TNPO3: variants seen among roughly 807,000 people sequenced by gnomAD.
TNPO3 encodes the protein transportin-3.
Under a neutral mutation model 122.8 loss-of-function variants are expected in TNPO3, and 65 were observed. The observed-to-expected ratio is 0.53, with a 90% CI of 0.43 to 0.65. The LOEUF (loss-of-function observed/expected upper bound fraction) is 0.65. Ranked by LOEUF, TNPO3 falls within the 30% of genes least tolerant of loss-of-function variation. The pLI is 0.00. For synonymous variants in TNPO3, 372 were observed against 411.2 expected, an observed-to-expected ratio of 0.90 and a Z score of 1.15; for missense variants, 850 against 1,136.7, an observed-to-expected ratio of 0.75 and a Z score of 3.63.
At position 128,959,914 on chromosome 7, in the gene TNPO3, G is replaced by A. The variant is rs140230286; in HGVS notation, c.2712-2599C>T. Among the ~76,000 whole-genome samples, 637 of 152,232 alleles carry A rather than the reference G, an allele frequency of 4.2e-3. 6 individuals carry two copies. Among genetic ancestry groups the A allele is most frequent in the African/African-American group, 0.014 (597 of 41,528 alleles). ...TGGGCACCTGTGATCCCAGCTACTC[G>A]GGAGGCTGAGGCTGGAGGATCGCTT... On this transcript the variant is annotated intron_variant, in intron 21 of 22. Transcript: ENST00000265388.
At chr7:129,016,831 TAA>T in intron 3 of TNPO3, 150 bp downstream of exon 3, 1 of 627,968 alleles carries the variant, frequency 1.6e-6, no homozygotes, top group Non-Finnish European at 2.7e-6. Context: ...AAATTTTAGA[TAA>T]GTTTCATTTA....
In TNPO3 at chr7:128,987,603, C is replaced by T. The variant is rs77526891; in HGVS notation, c.1499-683G>A. Among the ~76,000 whole-genome samples, 14 of 152,122 alleles carry T rather than the reference C, an allele frequency of 9.2e-5. No homozygotes were observed. The East Asian group carries it at 9.7e-4, about 11-fold the overall frequency. On this transcript the variant is annotated intron_variant, in intron 11 of 22. Transcript: ENST00000265388. ...AAAAACCATATATTGTTTTTGGGGACGGAGCCTCACTCTGTCCCACAGGCT... is the reference window on the plus strand; with the variant it reads ...AAAAACCATATATTGTTTTTGGGGATGGAGCCTCACTCTGTCCCACAGGCT...
chr7:129,034,523 A>G (rs1271274929), intron 1 of TNPO3, among the ~76,000 whole-genome samples: 1 of 152,038 alleles, frequency 6.6e-6, no homozygotes, highest in East Asian at 1.9e-4. Flanking sequence ...AAAACAAAAC[A>G]AAAAAAGGTT....
At chr7:128,965,293 A>G (rs1417607117) in intron 21 of TNPO3, among the ~76,000 whole-genome samples, 1 of 152,262 alleles carries the variant, frequency 6.6e-6, no homozygotes, top group Non-Finnish European at 1.5e-5. Flanking sequence ...CATTTCTCCA[A>G]GAAGACAAAA....
At chr7:129,002,707 A>T (rs1480446615) in intron 5 of TNPO3, among the ~76,000 whole-genome samples, 1 of 152,138 alleles carries the variant, frequency 6.6e-6, no homozygotes, top group Non-Finnish European at 1.5e-5. Context: ...TCACAAGGTC[A>T]GGAGATCGAG....
At chr7:128,991,249 C>G (rs1188235043) in intron 10 of TNPO3, among the ~76,000 whole-genome samples, 1 of 152,102 alleles carries the variant, frequency 6.6e-6, no homozygotes, top group Admixed American at 6.5e-5. Flanking sequence ...GGATTAGAAA[C>G]AATATGCCAC....
intron 21 of TNPO3, among the ~76,000 whole-genome samples, chr7:128,963,043 C>T (rs1473750130): frequency 1.3e-5 from 2 of 152,184 alleles, no homozygotes; most frequent in Admixed American, 6.5e-5. Flanking sequence ...AGGAGACATG[C>T]CCCAGCTAGT....
intron 22 of TNPO3, 71 bp from the exon 23 acceptor site, chr7:128,955,456 C>T: frequency 2.5e-6 from 1 of 394,276 alleles, no homozygotes; most frequent in Admixed American, 3.2e-5. Context: ...AACCTTAAGG[C>T]AGAGGTTTCT....
chr7:129,047,683 G>A (rs988262788), intron 1 of TNPO3, among the ~76,000 whole-genome samples: 3 of 152,114 alleles, frequency 2.0e-5, no homozygotes, highest in South Asian at 2.1e-4. Flanking sequence ...AATTACTCTC[G>A]GATTAGTTAG....
At chr7:128,955,817 C>G (rs953645714) in intron 22 of TNPO3, among the ~76,000 whole-genome samples, 1 of 152,186 alleles carries the variant, frequency 6.6e-6, no homozygotes, top group Non-Finnish European at 1.5e-5. Context: ...TAGATGCTAT[C>G]GAAAGGATAC....
intron 5 of TNPO3, among the ~76,000 whole-genome samples, chr7:129,003,603 T>C (rs1477052990): frequency 2.0e-5 from 3 of 152,012 alleles, no homozygotes; most frequent in Admixed American, 6.6e-5. Context: ...AGTTTGAGAC[T>C]ACAGTGAGCT....
upstream of TNPO3, chr7:129,055,846 A>G (rs1809410743): frequency 1.8e-6 from 1 of 571,420 alleles, no homozygotes; most frequent in Non-Finnish European, 3.1e-6. Context: ...ATTGATATTA[A>G]CATTGCTGCT....
intron 4 of TNPO3, among the ~76,000 whole-genome samples, chr7:129,010,693 T>G (rs1451466423): frequency 6.6e-6 from 1 of 152,190 alleles, no homozygotes; most frequent in Non-Finnish European, 1.5e-5. Context: ...CTGAACGCTG[T>G]ATATATACTA....
intron 4 of TNPO3, among the ~76,000 whole-genome samples, chr7:129,010,864 G>A (rs1302739979): frequency 1.3e-5 from 2 of 152,148 alleles, no homozygotes; most frequent in African/African-American, 2.4e-5. Context: ...TCATCATTAA[G>A]GGAGGCCAAG....
chr7:129,008,148 A>G (rs1474116763), intron 4 of TNPO3, among the ~76,000 whole-genome samples: 1 of 147,390 alleles, frequency 6.8e-6, no homozygotes, highest in African/African-American at 2.5e-5. Flanking sequence ...GACTCTGTCT[A>G]AAAAAAAAAG....
intron 3 of TNPO3, among the ~76,000 whole-genome samples, chr7:129,016,149 T>C (rs949098018): frequency 2.6e-5 from 4 of 152,102 alleles, no homozygotes; most frequent in African/African-American, 7.2e-5. Context: ...ACGCCTGTAA[T>C]CCCAGCACTT....
In TNPO3 at chr7:128,986,726, T is replaced by C. The variant is rs779413004; in HGVS notation, c.1690+3A>G. The C allele has an allele frequency of 1.2e-6, 2 of 1,609,526 alleles. No individual in the cohort carries two copies. Among genetic ancestry groups the C allele is most frequent in the South Asian group, 1.1e-5 (1 of 90,372 alleles). On this transcript the variant is annotated splice_donor_region_variant and intron_variant, in intron 12 of 22. Transcript: ENST00000265388. ...CTATTAGTGGTTAACATCAAGTGAGTACCTTTTAGCAAGCCCACAGCAGCT... is the reference window on the plus strand; with the variant it reads ...CTATTAGTGGTTAACATCAAGTGAGCACCTTTTAGCAAGCCCACAGCAGCT...
chr7:129,002,774 C>A (rs749910651), intron 5 of TNPO3, among the ~76,000 whole-genome samples: 2 of 151,722 alleles, frequency 1.3e-5, no homozygotes, highest in Non-Finnish European at 2.9e-5. Context: ...AAAAATTGGC[C>A]GGGCGCGGTG....
At chr7:129,031,400 A>G (rs1202451432) in intron 1 of TNPO3, among the ~76,000 whole-genome samples, 2 of 152,252 alleles carry the variant, frequency 1.3e-5, no homozygotes, top group Non-Finnish European at 2.9e-5. Flanking sequence ...AAAAAGGGTT[A>G]TAAAAAGTAT....
Sources: gnomAD v4.1 joint callset for allele counts (sites outside exome capture counted in the v4.1 genomes callset) on GRCh38, gnomAD v4.1.1 for gene constraint, MANE v1.5 for transcripts, NCBI Gene and HGNC (gene_info 2026-07-23, HGNC 2026-07-21) for gene names.